Variants in CFAP161 observed in about 807,000 individuals in gnomAD.
CFAP161 encodes the protein cilia and flagella associated protein 161, also known as cilia- and flagella-associated protein 161.
CFAP161 carries 25 observed loss-of-function variants against 29.0 expected under a neutral mutation model. That is an observed-to-expected ratio of 0.86 (90% CI 0.63 to 1.20). The LOEUF is 1.20. CFAP161 is among the 50% of genes most tolerant of loss of function. The pLI, the probability that CFAP161 is intolerant of heterozygous loss-of-function variation, is 0.00. For synonymous variants in CFAP161, 116 were observed against 137.4 expected, an observed-to-expected ratio of 0.84 and a Z score of 1.09; for missense variants, 367 against 371.9, an observed-to-expected ratio of 0.99 and a Z score of 0.11.
At chr15:81,120,206 C>T (rs1851408714) in intron 1 of CFAP161, among the ~76,000 whole-genome samples, 1 of 152,134 alleles carries the variant, frequency 6.6e-6, no homozygotes, top group East Asian at 1.9e-4. Context: ...TCAAATTAAT[C>T]AGACACATGA....
intron 5 of CFAP161, among the ~76,000 whole-genome samples, chr15:81,146,831 A>AATATATATATATATATAT (rs3086710): frequency 2.8e-5 from 2 of 70,568 alleles, no homozygotes; most frequent in Non-Finnish European, 7.1e-5. Flanking sequence ...GATAGCTACA[A>AATATATATATATATATAT]ATATATATAT....
intron 1 of CFAP161, among the ~76,000 whole-genome samples, chr15:81,126,285 T>A (rs759740749): frequency 1.3e-5 from 2 of 152,240 alleles, no homozygotes; most frequent in Admixed American, 6.5e-5. Flanking sequence ...AGGCTGAAGA[T>A]CAAAATTTTG....
intron 1 of CFAP161, among the ~76,000 whole-genome samples, chr15:81,106,372 G>A (rs556414539): frequency 2.0e-5 from 3 of 152,284 alleles, no homozygotes; most frequent in South Asian, 2.1e-4. Context: ...GGGTTTCACC[G>A]TGTTAACCAG....
At chr15:81,100,704 C>A (rs9744476) in intron 1 of CFAP161, among the ~76,000 whole-genome samples, 35,797 of 148,660 alleles carry the variant, frequency 0.24, 4,844 homozygotes, top group African/African-American at 0.37. Context: ...CTCTCTCTCT[C>A]TTTTTTTTTT....
chr15:81,105,092 C>CTCTCCCTCCCTCCCTCCCTT (rs1894345210), intron 1 of CFAP161, among the ~76,000 whole-genome samples: 1 of 53,452 alleles, frequency 1.9e-5, no homozygotes, highest in Non-Finnish European at 3.6e-5. Context: ...CTTTTCTTTT[C>CTCTCCCTCCCTCCCTCCCTT]CCTCCCTCCC....
chr15:81,133,239 A>G (rs1285642531), upstream of CFAP161, among the ~76,000 whole-genome samples: 1 of 123,892 alleles, frequency 8.1e-6, no homozygotes, highest in Admixed American at 8.8e-5. Context: ...TTTTTTTTAA[A>G]TTGGAGATGG....
At chr15:81,131,124 A>G (rs1323256973), upstream of CFAP161, among the ~76,000 whole-genome samples, 4 of 139,956 alleles carry the variant, frequency 2.9e-5, no homozygotes, top group African/African-American at 1.1e-4. Context: ...CTTGCCAAAA[A>G]CCTTCAATTT....
At chr15:81,109,461 A>G (rs1044284659) in intron 1 of CFAP161, among the ~76,000 whole-genome samples, 1 of 152,214 alleles carries the variant, frequency 6.6e-6, no homozygotes, top group African/African-American at 2.4e-5. Context: ...CATCAAGTAG[A>G]AAGTTTGTTC....
chr15:81,099,635 G>C (rs1273181748), intron 1 of CFAP161: 1 of 152,196 alleles, frequency 6.6e-6, no homozygotes, highest in African/African-American at 2.4e-5. Flanking sequence ...ATTTCCAAAA[G>C]CTCAACAAAT....
chr15:81,135,559 C>A lies in CFAP161; in HGVS notation c.159+200C>A, dbSNP rs145373838. Reference sequence around the variant, plus strand: ...GGCCCCAGTGTGCGATGTTCCCCTTCCTGTGTCCATGTGTTCTCCATTGTT... The same window carrying A: ...GGCCCCAGTGTGCGATGTTCCCCTTACTGTGTCCATGTGTTCTCCATTGTT... On this transcript the variant is annotated intron_variant, in intron 2 of 6. Coordinates refer to ENST00000286732, the MANE Select transcript of CFAP161 (RefSeq NM_173528.4). Among the ~76,000 whole-genome samples the A allele has an allele frequency of 3.7e-4, 53 of 143,720 alleles. No individual in the cohort carries two copies. The East Asian group carries it at 0.011, about 30-fold the overall frequency. The allele number at this position is 143,720 out of a possible 152,430, so 94.3% of individuals were successfully genotyped here.
chr15:81,138,103 C>T lies in CFAP161; in HGVS notation c.445C>T (p.Leu149=). The change falls in exon 4 of 7, where the codon CTG becomes TTG. Residue 149 remains leucine (L), a synonymous_variant. Coordinates refer to ENST00000286732, the MANE Select transcript of CFAP161 (RefSeq NM_173528.4). The part of the protein sequence containing the change: ...QVLRYGQDFC[L]GITGGFDNKM... ...CCTTAGATATGGGCAGGACTTTTGCCTGGGGATAACAGGAGGATTTGACAA... is the reference window on the plus strand; with the variant it reads ...CCTTAGATATGGGCAGGACTTTTGCTTGGGGATAACAGGAGGATTTGACAA... 1 of 1,613,128 alleles carries T rather than the reference C, an allele frequency of 6.2e-7. No individual in the cohort carries two copies. Among genetic ancestry groups the T allele is most frequent in the African/African-American group, 1.3e-5 (1 of 75,008 alleles).
chr15:81,145,326 C>T (rs147626642), intron 5 of CFAP161, among the ~76,000 whole-genome samples: 1 of 152,180 alleles, frequency 6.6e-6, no homozygotes, highest in Non-Finnish European at 1.5e-5. Flanking sequence ...CTGAGAATTG[C>T]CTTCTAGTTC....
chr15:81,133,918 CTGCTGCTGA>C (rs1023203282), upstream of CFAP161, among the ~76,000 whole-genome samples: 4 of 147,904 alleles, frequency 2.7e-5, no homozygotes, highest in East Asian at 2.0e-4. Context: ...GCTGCTGCTG[CTGCTGCTGA>C]TTACAAAAAA....
At chr15:81,123,277 C>G (rs1188348190) in intron 1 of CFAP161, among the ~76,000 whole-genome samples, 1 of 152,170 alleles carries the variant, frequency 6.6e-6, no homozygotes, top group African/African-American at 2.4e-5. Context: ...TTAGTTATCC[C>G]AGCATTATTT....
chr15:81,107,501 G>A (rs552790295), intron 1 of CFAP161, among the ~76,000 whole-genome samples: 13 of 152,274 alleles, frequency 8.5e-5, no homozygotes, highest in East Asian at 7.7e-4. Flanking sequence ...CGGGGTGGGC[G>A]GATCACCTGA....
At chr15:81,117,924 G>T in intron 1 of CFAP161, 1 of 432,970 alleles carries the variant, frequency 2.3e-6, no homozygotes, top group Non-Finnish European at 4.4e-6. Context: ...GGGCATCTGA[G>T]TCAGGGGCTT....
intron 1 of CFAP161, among the ~76,000 whole-genome samples, chr15:81,119,495 TTA>T (rs1318911682): frequency 6.6e-6 from 1 of 152,172 alleles, no homozygotes; most frequent in Non-Finnish European, 1.5e-5. Context: ...TTTAATAACG[TTA>T]TATAATTTTT....
intron 1 of CFAP161, among the ~76,000 whole-genome samples, chr15:81,121,250 A>T (rs1414084737): frequency 2.0e-5 from 3 of 152,186 alleles, no homozygotes; most frequent in Non-Finnish European, 4.4e-5. Flanking sequence ...TTACTTTAGG[A>T]CAAAATTTAC....
At chr15:81,144,622 A>C (rs1456889401) in intron 5 of CFAP161, among the ~76,000 whole-genome samples, 1 of 151,894 alleles carries the variant, frequency 6.6e-6, no homozygotes, top group Admixed American at 6.6e-5. Context: ...TGAATAAATG[A>C]ATAAATAAAT....
Sources: allele counts gnomAD v4.1 joint callset (sites outside exome capture counted in the v4.1 genomes callset), GRCh38; gene constraint gnomAD v4.1.1; transcripts MANE v1.5; gene names NCBI Gene and HGNC (gene_info 2026-07-23, HGNC 2026-07-21).